The following PTPRD variants were observed in gnomAD, a reference collection of about 807,000 sequenced individuals.
PTPRD encodes the protein protein tyrosine phosphatase receptor type D.
PTPRD carries 34 observed loss-of-function variants against 214.5 expected under a neutral mutation model. The observed-to-expected ratio is 0.16, with a 90% confidence interval of 0.12 to 0.21. The LOEUF is 0.21. Ranked by LOEUF, PTPRD falls within the 10% of genes least tolerant of loss-of-function variation. The probability of loss-of-function intolerance (pLI) is 1.00; values close to 1 mark genes in which losing one functional copy is unlikely to be tolerated. For missense variants in PTPRD, 2,545 were observed against 2,398.7 expected, an observed-to-expected ratio of 1.06 and a Z score of -1.27; for synonymous variants, 1,128 against 845.7, an observed-to-expected ratio of 1.33 and a Z score of -5.79.
intron 3 of PTPRD, among the ~76,000 whole-genome samples, chr9:10,280,011 G>A (rs2095000478): frequency 6.6e-6 from 1 of 151,952 alleles, no homozygotes. Flanking sequence ...ATGATGCTAT[G>A]GTAATACTAT....
chr9:10,510,376 C>G lies in PTPRD; in HGVS notation c.-600+102022G>C, dbSNP rs34479462. On this transcript the variant is annotated intron_variant, in intron 2 of 45. Coordinates refer to ENST00000381196, the MANE Select transcript of PTPRD (RefSeq NM_002839.4). Reference sequence around the variant, plus strand: ...TTATGGGTTTGAAAACTGAAGTTCACCACTACTGTCACATATAGAACAGTT... The same window carrying G: ...TTATGGGTTTGAAAACTGAAGTTCAGCACTACTGTCACATATAGAACAGTT... Among the ~76,000 whole-genome samples the G allele has an allele frequency of 1.6e-3, 249 of 152,202 alleles. 2 individuals carry two copies. Among genetic ancestry groups the G allele is most frequent in the Non-Finnish European group, 2.3e-3 (158 of 68,006 alleles).
chr9:10,249,565 A>G (rs1286862232), intron 3 of PTPRD, among the ~76,000 whole-genome samples: 1 of 152,200 alleles, frequency 6.6e-6, no homozygotes, highest in Non-Finnish European at 1.5e-5. Context: ...TAAGTTAGGT[A>G]AAGAAACTTA....
intron 7 of PTPRD, among the ~76,000 whole-genome samples, chr9:9,656,049 A>T (rs895359876): frequency 5.9e-5 from 9 of 152,216 alleles, no homozygotes; most frequent in Non-Finnish European, 1.0e-4. Context: ...GACATTAAGA[A>T]AGTGAAAATT....
At chr9:9,578,659 G>T (rs992329739) in intron 7 of PTPRD, among the ~76,000 whole-genome samples, 2 of 152,138 alleles carry the variant, frequency 1.3e-5, no homozygotes, top group South Asian at 4.2e-4. Context: ...ACTGTAATAG[G>T]ATTTCTACAT....
intron 7 of PTPRD, among the ~76,000 whole-genome samples, chr9:9,682,944 A>G (rs2097102241): frequency 6.6e-6 from 1 of 151,792 alleles, no homozygotes; most frequent in Admixed American, 6.6e-5. Context: ...AAGAGCTTTA[A>G]CTGATGAACA....
At chr9:9,439,728 G>C (rs770381773) in intron 8 of PTPRD, among the ~76,000 whole-genome samples, 4 of 152,194 alleles carry the variant, frequency 2.6e-5, no homozygotes, top group Non-Finnish European at 4.4e-5. Flanking sequence ...ACTACCTAAA[G>C]ACTATCACTG....
chr9:9,918,518 G>A (rs2081608715), intron 5 of PTPRD, among the ~76,000 whole-genome samples: 1 of 151,946 alleles, frequency 6.6e-6, no homozygotes, highest in East Asian at 1.9e-4. Context: ...CTATCAAAAT[G>A]TCAAGGATAT....
chr9:8,501,522 T>C (rs888453766), intron 23 of PTPRD, among the ~76,000 whole-genome samples: 2 of 152,212 alleles, frequency 1.3e-5, no homozygotes, highest in African/African-American at 2.4e-5. Flanking sequence ...ATGGTTTACA[T>C]ACAGTACTCA....
At position 9,968,463 on chromosome 9, in the gene PTPRD, C is replaced by T. The variant is rs115538321; in HGVS notation, c.-471-29853G>A. ...ATATATTTGCATATCTAATTATAAC[C>T]ATTCAAATTAGCTATAAAGAATTAA... On this transcript the variant is annotated intron_variant, in intron 4 of 45. Coordinates refer to ENST00000381196, the MANE Select transcript of PTPRD (RefSeq NM_002839.4). Among the ~76,000 whole-genome samples, 502 of 152,216 alleles carry T rather than the reference C, an allele frequency of 3.3e-3. 2 individuals are homozygous for T. The highest frequency in any genetic ancestry group is 0.011 in the African/African-American group (464 of 41,534).
At chr9:8,998,673 C>T (rs1254130893) in intron 11 of PTPRD, among the ~76,000 whole-genome samples, 1 of 152,000 alleles carries the variant, frequency 6.6e-6, no homozygotes, top group African/African-American at 2.4e-5. Context: ...TTAATAAACA[C>T]ATTTTATAAG....
intron 33 of PTPRD, 28 bp from the exon 34 acceptor site, chr9:8,449,865 A>G (rs1160485725): frequency 1.2e-6 from 2 of 1,603,508 alleles, no homozygotes; most frequent in South Asian, 1.1e-5. Context: ...AAATTTAAGA[A>G]GAAAAGAAAA....
chr9:9,012,715 A>G (rs1482398201), intron 11 of PTPRD, among the ~76,000 whole-genome samples: 1 of 152,274 alleles, frequency 6.6e-6, no homozygotes, highest in East Asian at 1.9e-4. Context: ...GTTTGATGCC[A>G]TATGTATGTA....
chr9:10,438,008 C>CATATATATATATATATATATATAT (rs71485332), intron 2 of PTPRD, among the ~76,000 whole-genome samples: 12 of 125,144 alleles, frequency 9.6e-5, no homozygotes, highest in African/African-American at 4.2e-4. Flanking sequence ...CCTAAGTCTA[C>CATATATATATATATATATATATAT]ATATATATAT....
rs376166407 is a variant in PTPRD, at chr9:9,813,202, G to C, written c.-367-46351C>G. On this transcript the variant is annotated intron_variant, in intron 5 of 45. Transcript: ENST00000381196. ...AATGCTTACATTTATTAATAATAAA[G>C]ATCTCAAATAAGCAACCTAATTTTA... Among the ~76,000 whole-genome samples the C allele has an allele frequency of 4.6e-5, 7 of 152,042 alleles. No homozygotes were observed. The East Asian group carries it at 5.8e-4, about 13-fold the overall frequency.
chr9:8,816,161 G>C lies in PTPRD; in HGVS notation c.-103-82215C>G, dbSNP rs541780242. 2.6e-5 allele frequency among the ~76,000 whole-genome samples: 4 copies of C among 152,226 alleles called. No individual in the cohort carries two copies. In the East Asian group the frequency reaches 7.7e-4, roughly 29 times the overall value. On this transcript the variant is annotated intron_variant, in intron 11 of 45. Transcript: ENST00000381196. Reference sequence around the variant, plus strand: ...AACATCATTCACAGGACAAATTATTGATAAATTGCAGAATGTCAAACAAAG... The same window carrying C: ...AACATCATTCACAGGACAAATTATTCATAAATTGCAGAATGTCAAACAAAG...
At chr9:9,189,559 A>G (rs1308564073) in intron 9 of PTPRD, among the ~76,000 whole-genome samples, 2 of 152,012 alleles carry the variant, frequency 1.3e-5, no homozygotes, top group African/African-American at 2.4e-5. Context: ...AGATGCTTCT[A>G]TTATGTCTTA....
intron 4 of PTPRD, among the ~76,000 whole-genome samples, chr9:9,948,005 T>C (rs2093011023): frequency 6.6e-6 from 1 of 152,062 alleles, no homozygotes; most frequent in South Asian, 2.1e-4. Flanking sequence ...ATTTTTTTCT[T>C]CTTGACTTTA....
chr9:8,917,196 T>C (rs1353669970), intron 11 of PTPRD, among the ~76,000 whole-genome samples: 1 of 151,052 alleles, frequency 6.6e-6, no homozygotes, highest in African/African-American at 2.4e-5. Flanking sequence ...TGGTGTGCTC[T>C]CGGCTCGCTG....
chr9:10,177,738 T>C (rs1333977298), intron 3 of PTPRD, among the ~76,000 whole-genome samples: 2 of 151,938 alleles, frequency 1.3e-5, no homozygotes, highest in African/African-American at 4.8e-5. Context: ...TATGTTCTTT[T>C]GACCATTATT....
Sources: allele counts gnomAD v4.1 joint callset (sites outside exome capture counted in the v4.1 genomes callset), GRCh38; gene constraint gnomAD v4.1.1; transcripts MANE v1.5; gene names NCBI Gene and HGNC (gene_info 2026-07-23, HGNC 2026-07-21).